The following KCND2 variants were observed in gnomAD, a reference collection of about 807,000 sequenced individuals.
KCND2 encodes the protein A-type voltage-gated potassium channel KCND2.
A neutral mutation model predicts 54.4 loss-of-function variants in KCND2; 16 were observed. That is an observed-to-expected ratio of 0.29 (90% CI 0.20 to 0.45). KCND2 has a LOEUF of 0.45. Among genes scored for constraint, KCND2 ranks in the 20% least tolerant of loss-of-function variants. The pLI, the probability that KCND2 is intolerant of heterozygous loss-of-function variation, is 1.00. For missense variants in KCND2, 486 were observed against 824.2 expected, an observed-to-expected ratio of 0.59 and a Z score of 5.02; for synonymous variants, 317 against 310.7, an observed-to-expected ratio of 1.02 and a Z score of -0.21.
intron 1 of KCND2, among the ~76,000 whole-genome samples, chr7:120,628,544 A>G (rs151266846): frequency 6.8e-4 from 103 of 152,312 alleles, no homozygotes; most frequent in East Asian, 4.1e-3. Context: ...CTCCATGTGA[A>G]TAAGTCAAGA....
At chr7:120,626,848 C>T (rs1385741288) in intron 1 of KCND2, among the ~76,000 whole-genome samples, 2 of 152,164 alleles carry the variant, frequency 1.3e-5, no homozygotes, top group Non-Finnish European at 1.5e-5. Flanking sequence ...GGCAAATATA[C>T]TTTGAAAAGC....
intron 1 of KCND2, among the ~76,000 whole-genome samples, chr7:120,299,141 T>C (rs771274552): frequency 4.6e-5 from 7 of 151,862 alleles, no homozygotes; most frequent in Non-Finnish European, 7.4e-5. Flanking sequence ...GCCTGGGCAA[T>C]AAGAGCGAAA....
At chr7:120,420,462 G>C (rs374567483) in intron 1 of KCND2, among the ~76,000 whole-genome samples, 1 of 152,178 alleles carries the variant, frequency 6.6e-6, no homozygotes, top group South Asian at 2.1e-4. Context: ...AAAAGAAAGA[G>C]CTTGGTGATG....
At chr7:120,583,786 G>T (rs543980578) in intron 1 of KCND2, among the ~76,000 whole-genome samples, 51 of 15,760 alleles carry the variant, frequency 3.2e-3, no homozygotes, top group South Asian at 0.01. Context: ...AGGAATTGTG[G>T]GGGGGGGGAC....
intron 1 of KCND2, among the ~76,000 whole-genome samples, chr7:120,297,481 A>T (rs761644752): frequency 2.0e-5 from 3 of 152,094 alleles, no homozygotes; most frequent in Non-Finnish European, 4.4e-5. Context: ...TTGATTTCAT[A>T]TCTTTGTTTT....
At chr7:120,735,696 T>C (rs971451947) in intron 2 of KCND2, among the ~76,000 whole-genome samples, 1 of 152,116 alleles carries the variant, frequency 6.6e-6, no homozygotes, top group African/African-American at 2.4e-5. Flanking sequence ...GTGAATGCTT[T>C]TTGGTATCTT....
rs1345894303 is a variant in KCND2, at chr7:120,457,814, C to G, written c.1115+182067C>G. On this transcript the variant is annotated intron_variant, in intron 1 of 5. Transcript: ENST00000331113. ...TTTCAGGTATCTTTACAGCAGTGCC[C>G]CAATCTCTGTGGTATCAATTTACTG... Among the ~76,000 whole-genome samples the G allele has an allele frequency of 2.6e-5, 4 of 152,156 alleles. No individual in the cohort carries two copies. The East Asian group carries it at 7.7e-4, about 29-fold the overall frequency.
At chr7:120,439,241 A>G (rs2116189432) in intron 1 of KCND2, among the ~76,000 whole-genome samples, 1 of 152,056 alleles carries the variant, frequency 6.6e-6, no homozygotes, top group East Asian at 1.9e-4. Flanking sequence ...TACCAATTAA[A>G]CTAGGATTTA....
intron 1 of KCND2, among the ~76,000 whole-genome samples, chr7:120,438,651 A>G (rs1448378366): frequency 1.3e-5 from 2 of 152,142 alleles, no homozygotes; most frequent in East Asian, 1.9e-4. Flanking sequence ...GATGTACATT[A>G]CAAGAATTCC....
chr7:120,497,452 A>G (rs1584802091), intron 1 of KCND2, among the ~76,000 whole-genome samples: 1 of 152,338 alleles, frequency 6.6e-6, no homozygotes, highest in East Asian at 1.9e-4. Context: ...TTAGCAAGTT[A>G]TATTTCATAA....
chr7:120,358,215 A>G (rs1359766606), intron 1 of KCND2, among the ~76,000 whole-genome samples: 2 of 152,176 alleles, frequency 1.3e-5, no homozygotes, highest in Non-Finnish European at 2.9e-5. Flanking sequence ...ATAACAGGTG[A>G]ATAAGATGTG....
At chr7:120,593,126 A>G (rs1792691925) in intron 1 of KCND2, among the ~76,000 whole-genome samples, 1 of 152,214 alleles carries the variant, frequency 6.6e-6, no homozygotes, top group South Asian at 2.1e-4. Context: ...AAAGGATTCT[A>G]TGAAAACCCT....
At chr7:120,310,337 G>A (rs1799719208) in intron 1 of KCND2, among the ~76,000 whole-genome samples, 1 of 152,086 alleles carries the variant, frequency 6.6e-6, no homozygotes, top group South Asian at 2.1e-4. Flanking sequence ...TCAGTTAGTA[G>A]CACACCATAT....
At chr7:120,645,801 A>G (rs982323721) in intron 1 of KCND2, among the ~76,000 whole-genome samples, 1 of 152,230 alleles carries the variant, frequency 6.6e-6, no homozygotes, top group Non-Finnish European at 1.5e-5. Flanking sequence ...TTTTATGTCC[A>G]ATAGCTGACC....
chr7:120,575,929 G>C (rs1487718840), intron 1 of KCND2, among the ~76,000 whole-genome samples: 1 of 6,654 alleles, frequency 1.5e-4, no homozygotes, highest in Non-Finnish European at 9.5e-4. Flanking sequence ...AAATTCTCAG[G>C]ATGTACACTT....
chr7:120,287,785 A>G (rs1008123185), intron 1 of KCND2, among the ~76,000 whole-genome samples: 1 of 152,090 alleles, frequency 6.6e-6, no homozygotes, highest in South Asian at 2.1e-4. Flanking sequence ...CAGAGGTTGC[A>G]GTGAGCCGAG....
intron 1 of KCND2, among the ~76,000 whole-genome samples, chr7:120,363,816 T>G (rs1465868150): frequency 1.3e-5 from 2 of 152,128 alleles, no homozygotes; most frequent in Non-Finnish European, 2.9e-5. Flanking sequence ...CATCACCTTA[T>G]CTTTCTGTTC....
rs1792619370 is a variant in KCND2 at position 120,717,622 on chromosome 7, A to G, written c.1116-15281A>G. ...TGAGACATGGAGTTGAAAGCAAACC[A>G]TTTCAGTATCATCATAGACAGCAAC... is the stretch of plus-strand genomic sequence containing the variant. On this transcript the variant is annotated intron_variant, in intron 1 of 5. Transcript: ENST00000331113. 2.0e-5 allele frequency among the ~76,000 whole-genome samples: 3 copies of G among 152,172 alleles called. No individual in the cohort carries two copies. The South Asian group carries it at 6.2e-4, about 32-fold the overall frequency.
At chr7:120,431,546 T>C (rs1442370721) in intron 1 of KCND2, among the ~76,000 whole-genome samples, 4 of 152,134 alleles carry the variant, frequency 2.6e-5, no homozygotes. Context: ...CACGTGCCTT[T>C]TCAGCATTCA....
Sources: allele counts gnomAD v4.1 joint callset (sites outside exome capture counted in the v4.1 genomes callset), GRCh38; gene constraint gnomAD v4.1.1; transcripts MANE v1.5; gene names NCBI Gene and HGNC (gene_info 2026-07-23, HGNC 2026-07-21).